The following SLC2A10 variants were observed in gnomAD, a reference collection of about 807,000 sequenced individuals.
SLC2A10 encodes the protein solute carrier family 2, facilitated glucose transporter member 10.
In SLC2A10, 25 loss-of-function variants were observed where a neutral mutation model predicts 32.1. The ratio of observed to expected loss-of-function variants is 0.78; its 90% CI spans 0.57 to 1.09. The LOEUF is 1.09. Among genes scored for constraint, SLC2A10 ranks in the 50% least tolerant of loss-of-function variants. SLC2A10 has a pLI of 0.00. For synonymous variants in SLC2A10, 332 were observed against 309.6 expected, an observed-to-expected ratio of 1.07 and a Z score of -0.76; for missense variants, 673 against 686.5, an observed-to-expected ratio of 0.98 and a Z score of 0.22.
chr20:46,710,513 CCATAAAATGG>C (rs1208386306), intron 1 of SLC2A10: 1 of 152,712 alleles, frequency 6.5e-6, no homozygotes, highest in African/African-American at 2.4e-5. Context: ...GTTGTGGAAC[CCATAAAATGG>C]GGTGGCGTGA....
chr20:46,709,913 G>C (rs575496822), intron 1 of SLC2A10, 173 bp downstream of exon 1: 1 of 679,378 alleles, frequency 1.5e-6, no homozygotes, highest in South Asian at 1.9e-5. Context: ...CGGGGGCTGG[G>C]ACGGGGCTCG....
Position 46,735,301 on chromosome 20 carries a change from T to A in SLC2A10, c.*1467T>A, listed in dbSNP as rs186295842. 1.2e-4 allele frequency: 18 copies of A among 152,772 alleles called. 2 individuals carry two copies. Among genetic ancestry groups the A allele is most frequent in the African/African-American group, 4.3e-4 (18 of 41,584 alleles). The allele number at this position is 152,772 out of a possible 1,614,324, so 9.5% of individuals were successfully genotyped here. ...GTTCTCCTATCTTCTCCATTCTAGATGCTTCCCTTGTATCCAGTGATGTGC... is the reference window on the plus strand; with the variant it reads ...GTTCTCCTATCTTCTCCATTCTAGAAGCTTCCCTTGTATCCAGTGATGTGC... On this transcript the variant is annotated 3_prime_UTR_variant, in exon 5 of 5. Coordinates refer to ENST00000359271, the MANE Select transcript of SLC2A10 (RefSeq NM_030777.4).
intron 4 of SLC2A10, among the ~76,000 whole-genome samples, chr20:46,732,215 C>T (rs1248049577): frequency 4.6e-5 from 7 of 152,122 alleles, no homozygotes; most frequent in African/African-American, 1.7e-4. Flanking sequence ...AATTGGTTGC[C>T]GAAATGTTGT....
In SLC2A10 at chr20:46,725,098, C is replaced by G; in HGVS notation, c.62C>G (p.Thr21Ser). The G allele has an allele frequency of 1.2e-6, 2 of 1,614,234 alleles. No individual in the cohort carries two copies. Among genetic ancestry groups the G allele is most frequent in the Non-Finnish European group, 8.5e-7 (1 of 1,180,038 alleles). The change falls in exon 2 of 5, where the codon ACC becomes AGC. Residue 21 changes from threonine (T) to serine (S), a missense_variant. By Grantham distance (58) the Thr-to-Ser change is moderately conservative. Transcript: ENST00000359271. ...CASVSLLGGLTFGYELAVISG... is the reference protein window; with the variant it reads ...CASVSLLGGLSFGYELAVISG... ...TCTGTGTCTTTGCTGGGTGGCCTGA[C>G]CTTTGGTTATGAACTGGCAGTCATA...
rs1456525089 is a variant in SLC2A10 at position 46,725,257 on chromosome 20, G to A, written c.221G>A (p.Arg74Lys). The A allele has an allele frequency of 1.9e-6, 3 of 1,614,064 alleles. No individual in the cohort carries two copies. In the African/African-American group the frequency reaches 4.0e-5, roughly 22 times the overall value. ...VGGFLIDCYG[R>K]KQAILGSNLV... Reference sequence around the variant, plus strand: ...GGCTTCCTCATTGACTGCTATGGCAGGAAGCAAGCCATCCTCGGGAGCAAC... The same window carrying A: ...GGCTTCCTCATTGACTGCTATGGCAAGAAGCAAGCCATCCTCGGGAGCAAC... Residue 74 changes from arginine (R) to lysine (K), a missense_variant, in exon 2 of 5, where the codon AGG becomes AAG. Transcript: ENST00000359271.
chr20:46,712,052 T>G (rs1260722832), intron 1 of SLC2A10, among the ~76,000 whole-genome samples: 1 of 152,108 alleles, frequency 6.6e-6, no homozygotes, highest in Non-Finnish European at 1.5e-5. Flanking sequence ...CCTCTCAGTG[T>G]GGTGGTTATT....
chr20:46,726,988 T>A lies in SLC2A10; in HGVS notation c.1411+2T>A, dbSNP rs761721442. On this transcript the variant is annotated splice_donor_variant, in intron 3 of 4. Coordinates refer to ENST00000359271, the MANE Select transcript of SLC2A10 (RefSeq NM_030777.4). LOFTEE classifies it high-confidence loss of function. The stretch of plus-strand genomic sequence containing the variant: ...GCCTCTCCTTCCTCGATCTCATTGG[T>A]GAGTCCTTCCCAGACAAGTCCGTTT... 27 of 1,614,142 alleles carry A rather than the reference T, an allele frequency of 1.7e-5. No individual in the cohort carries two copies. In the African/African-American group the frequency reaches 3.2e-4, roughly 19 times the overall value.
rs534529918 is a variant in SLC2A10 at position 46,734,443 on chromosome 20, T to G, written c.*609T>G. 1 of 158,666 alleles carries G rather than the reference T, an allele frequency of 6.3e-6. No individual in the cohort carries two copies. Among genetic ancestry groups the G allele is most frequent in the East Asian group, 1.9e-4 (1 of 5,364 alleles). The allele number at this position is 158,666 out of a possible 1,614,324, so 9.8% of individuals were successfully genotyped here. ...ACAGGCGCATGCAACCATACCCAGC[T>G]AATTTATTTTTAGCAGAGATGGGGT... On this transcript the variant is annotated 3_prime_UTR_variant, in exon 5 of 5. Transcript: ENST00000359271.
intron 1 of SLC2A10, among the ~76,000 whole-genome samples, chr20:46,714,085 G>A (rs985857021): frequency 7.9e-5 from 12 of 152,248 alleles, no homozygotes; most frequent in African/African-American, 2.6e-4. Context: ...CCAGAAATTG[G>A]CAATGAGTAT....
intron 1 of SLC2A10, among the ~76,000 whole-genome samples, chr20:46,724,328 G>T (rs1979719530): frequency 6.6e-6 from 1 of 152,208 alleles, no homozygotes; most frequent in African/African-American, 2.4e-5. Context: ...TAGATGGATG[G>T]ATAGATGGAT....
chr20:46,714,172 T>C (rs1052377016), intron 1 of SLC2A10, among the ~76,000 whole-genome samples: 2 of 151,976 alleles, frequency 1.3e-5, no homozygotes, highest in Non-Finnish European at 2.9e-5. Flanking sequence ...GAATCCTTCA[T>C]TGGGGAAGAT....
rs753280877 is a variant in SLC2A10, at chr20:46,725,350, G to A, written c.314G>A (p.Arg105His). The A allele has an allele frequency of 1.5e-5, 24 of 1,613,970 alleles. No homozygotes were observed. Among genetic ancestry groups the A allele is most frequent in the African/African-American group, 4.0e-5 (3 of 74,940 alleles). ...AGSLAWLVLG[R>H]AVVGFAISLS... ...TCCCTGGCCTGGCTGGTCCTGGGCC[G>A]CGCTGTGGTTGGCTTCGCCATTTCC... is the stretch of plus-strand genomic sequence containing the variant. Residue 105 changes from arginine (R) to histidine (H), a missense_variant, in exon 2 of 5, where the codon CGC becomes CAC. Physicochemically the swap from Arg to His is conservative, Grantham distance 29 (BLOSUM62 0). Coordinates refer to ENST00000359271, the MANE Select transcript of SLC2A10 (RefSeq NM_030777.4).
At chr20:46,726,817 C>T in intron 2 of SLC2A10, 47 bp from the exon 3 acceptor site, 1 of 1,613,326 alleles carries the variant, frequency 6.2e-7, no homozygotes, top group Non-Finnish European at 8.5e-7. Context: ...GGTGCCAGGC[C>T]CCAGGTCCCA....
chr20:46,723,195 G>A (rs1349782342), intron 1 of SLC2A10, among the ~76,000 whole-genome samples: 1 of 152,012 alleles, frequency 6.6e-6, no homozygotes, highest in Non-Finnish European at 1.5e-5. Context: ...CATCCTCATG[G>A]TTACCCCCCA....
intron 1 of SLC2A10, among the ~76,000 whole-genome samples, chr20:46,719,942 G>A (rs1225917348): frequency 6.6e-6 from 1 of 152,232 alleles, no homozygotes; most frequent in Non-Finnish European, 1.5e-5. Context: ...CACAGAGCAA[G>A]TGGCAGTGCT....
rs1356918903 is a variant in SLC2A10 at position 46,725,026 on chromosome 20, A to G, written c.5-15A>G. The G allele has an allele frequency of 6.2e-7, 1 of 1,614,162 alleles. No individual in the cohort carries two copies. Among genetic ancestry groups the G allele is most frequent in the Non-Finnish European group, 8.5e-7 (1 of 1,180,014 alleles). ...GAACCATTCTAACTCTGTCCCTCTC[A>G]CTTTTGTTTTTTAGGCCACTCCCCA... On this transcript the variant is annotated splice_polypyrimidine_tract_variant and intron_variant, in intron 1 of 4. Transcript: ENST00000359271.
chr20:46,719,679 G>T (rs1233548706), intron 1 of SLC2A10, among the ~76,000 whole-genome samples: 1 of 152,184 alleles, frequency 6.6e-6, no homozygotes, highest in African/African-American at 2.4e-5. Flanking sequence ...TGAGATTTGG[G>T]TGGGGACACA....
intron 4 of SLC2A10, among the ~76,000 whole-genome samples, chr20:46,731,078 A>G (rs539965140): frequency 6.6e-6 from 1 of 152,234 alleles, no homozygotes; most frequent in African/African-American, 2.4e-5. Context: ...TCAGCAACCC[A>G]GCTGTATTAG....
chr20:46,715,073 G>A (rs1254646087), intron 1 of SLC2A10, among the ~76,000 whole-genome samples: 1 of 152,144 alleles, frequency 6.6e-6, no homozygotes, highest in African/African-American at 2.4e-5. Flanking sequence ...TCCTAGCTGT[G>A]AGAACACTCT....
Sources: gnomAD v4.1 joint callset for allele counts (sites outside exome capture counted in the v4.1 genomes callset) on GRCh38, gnomAD v4.1.1 for gene constraint, MANE v1.5 for transcripts, NCBI Gene and HGNC (gene_info 2026-07-23, HGNC 2026-07-21) for gene names.